The following GSN variants were observed in gnomAD, a reference collection of about 807,000 sequenced individuals.
The protein encoded by GSN is actin-depolymerizing factor.
GSN carries 56 observed loss-of-function variants against 85.7 expected under a neutral mutation model. The ratio of observed to expected loss-of-function variants is 0.65; its 90% CI spans 0.53 to 0.82. The LOEUF (loss-of-function observed/expected upper bound fraction) is 0.82, where lower values mean the gene tolerates loss of function less well. GSN is among the 40% of genes least tolerant of loss of function. The pLI, the probability that GSN is intolerant of heterozygous loss-of-function variation, is 0.00. For synonymous variants in GSN, 373 were observed against 399.1 expected (o/e 0.93, Z 0.78); for missense variants, 857 against 979.8 (o/e 0.87, Z 1.67).
At chr9:121,228,569 G>T (rs1228383121) in intron 4 of GSN, among the ~76,000 whole-genome samples, 41 of 151,034 alleles carry the variant, frequency 2.7e-4, no homozygotes, top group African/African-American at 8.5e-4. Context: ...AGGTAGCTGG[G>T]ACTACAGGTG....
At chr9:121,309,139 G>C (rs1309864635) in intron 4 of GSN, 1 of 152,232 alleles carries the variant, frequency 6.6e-6, no homozygotes. Flanking sequence ...GTGCCCTTGA[G>C]TAAGTCACTT....
chr9:121,227,160 G>A (rs1050197772), intron 4 of GSN, among the ~76,000 whole-genome samples: 10 of 152,192 alleles, frequency 6.6e-5, no homozygotes, highest in South Asian at 2.1e-4. Flanking sequence ...TTGGGAGGCC[G>A]AGGTGGGCGG....
In GSN at chr9:121,332,729, T is replaced by C. The variant is rs886063411; in HGVS notation, c.*126T>C. 73 of 695,110 alleles carry C rather than the reference T, an allele frequency of 1.1e-4. No homozygotes were observed. Among genetic ancestry groups the C allele is most frequent in the Non-Finnish European group, 1.1e-4 (48 of 425,908 alleles). The allele number at this position is 695,110 out of a possible 1,614,324, so 43.1% of individuals were successfully genotyped here. A position where few individuals can be genotyped will look rare whatever the true frequency, so the allele number is the denominator to read the frequency against. On this transcript the variant is annotated 3_prime_UTR_variant, in exon 18 of 18. Transcript: ENST00000432226. The surrounding 1 kb of genome is among the most constrained non-coding windows in gnomAD (Gnocchi z 4.8). ...GTGTGTGTGTGTGTGTTGTTTCTTT[T>C]TTTTTTTTTTACAGTATCCAAAAAT...
chr9:121,292,128 T>G (rs1416513454), intron 2 of GSN, among the ~76,000 whole-genome samples: 2 of 152,026 alleles, frequency 1.3e-5, no homozygotes, highest in Non-Finnish European at 2.9e-5. Context: ...AACTACTGGG[T>G]TTAAGCTATC....
intron 6 of GSN, among the ~76,000 whole-genome samples, chr9:121,255,071 C>T (rs2132256511): frequency 6.6e-6 from 1 of 152,254 alleles, no homozygotes; most frequent in East Asian, 1.9e-4. Context: ...CCCTCAGCCT[C>T]CCGAGTAGCT....
chr9:121,326,843 C>T (rs1038959505), intron 13 of GSN, 161 bp downstream of exon 13: 26 of 791,264 alleles, frequency 3.3e-5, no homozygotes, highest in Non-Finnish European at 5.8e-5. Context: ...GGTTGTCTGT[C>T]TTAGACTCCC....
rs139828725 is a variant in GSN, at chr9:121,217,478, T to C, written c.-528+6611T>C. The stretch of plus-strand genomic sequence containing the variant: ...TGTACAGATTATTTTGTCACCCAGG[T>C]ATTAAGCCTAGTACCCATTAGTTCT... On this transcript the variant is annotated intron_variant, in intron 4 of 24. Coordinates refer to the GSN transcript ENST00000373823. Among the ~76,000 whole-genome samples the C allele has an allele frequency of 4.0e-3, 607 of 152,222 alleles. 2 individuals carry two copies. The highest frequency in any genetic ancestry group is 0.014 in the African/African-American group (580 of 41,528).
intron 5 of GSN, among the ~76,000 whole-genome samples, chr9:121,234,685 A>G (rs2054458220): frequency 6.6e-6 from 1 of 152,178 alleles, no homozygotes; most frequent in Non-Finnish European, 1.5e-5. Flanking sequence ...GCAAATCCAG[A>G]TAAAAAATAA....
At chr9:121,263,863 T>G (rs1410085695), upstream of GSN, among the ~76,000 whole-genome samples, 1 of 125,240 alleles carries the variant, frequency 8.0e-6, no homozygotes, top group Non-Finnish European at 1.6e-5. Context: ...CACTCCAGCC[T>G]AGGAACGAGA....
At chr9:121,325,618 T>G (rs1450623030) in intron 12 of GSN, among the ~76,000 whole-genome samples, 8 of 152,138 alleles carry the variant, frequency 5.3e-5, no homozygotes, top group African/African-American at 1.9e-4. Context: ...TGTGGAAATA[T>G]AGGGGAAGCG....
At chr9:121,302,570 TG>T (rs138385811) in intron 3 of GSN, among the ~76,000 whole-genome samples, 3,105 of 152,226 alleles carry the variant, frequency 0.02, 52 homozygotes, top group Middle Eastern at 0.048. Context: ...CCGGAGTCCC[TG>T]CCACACCTCT....
chr9:121,295,940 G>T (rs2059174506), intron 2 of GSN, among the ~76,000 whole-genome samples: 1 of 152,250 alleles, frequency 6.6e-6, no homozygotes, highest in African/African-American at 2.4e-5. Flanking sequence ...GTGGCTCAGA[G>T]GGCAGGTGCC....
At chr9:121,295,612 C>T (rs556955222) in intron 2 of GSN, among the ~76,000 whole-genome samples, 48 of 152,110 alleles carry the variant, frequency 3.2e-4, no homozygotes, top group Admixed American at 6.5e-4. Context: ...TAGGGGGTCC[C>T]GCAGACATAC....
At chr9:121,269,290 AC>A (rs2055555966) in intron 1 of GSN, among the ~76,000 whole-genome samples, 1 of 152,236 alleles carries the variant, frequency 6.6e-6, no homozygotes, top group Admixed American at 6.5e-5. Flanking sequence ...GTTTACAGCG[AC>A]CATAGCTTGC....
At chr9:121,291,730 T>A (rs2058713684) in intron 2 of GSN, among the ~76,000 whole-genome samples, 1 of 152,060 alleles carries the variant, frequency 6.6e-6, no homozygotes, top group Admixed American at 6.6e-5. Context: ...CCCATTGGAC[T>A]TTTTCTCTAA....
rs151083385 is a variant in GSN, at chr9:121,281,480, T to C, written c.-92T>C. Reference sequence around the variant, plus strand: ...GCCCTTTGTTTACAGGTAGTGCTCATAGCTCTCTTTGTCCAGTGCTTCGGC... The same window carrying C: ...GCCCTTTGTTTACAGGTAGTGCTCACAGCTCTCTTTGTCCAGTGCTTCGGC... On this transcript the variant is annotated 5_prime_UTR_variant, in exon 2 of 18. Transcript: ENST00000432226. The C allele has an allele frequency of 5.9e-4, 226 of 382,990 alleles. 1 individual carries two copies. The highest frequency in any genetic ancestry group is 4.4e-3 in the African/African-American group (208 of 47,180). 23.7% of individuals were successfully genotyped at this position (382,990 alleles called of 1,614,324 possible). A position where few individuals can be genotyped will look rare whatever the true frequency, so the allele number is the denominator to read the frequency against.
intron 4 of GSN, among the ~76,000 whole-genome samples, chr9:121,211,044 C>T (rs1217282997): frequency 6.6e-6 from 1 of 152,112 alleles, no homozygotes; most frequent in African/African-American, 2.4e-5. Flanking sequence ...CAAGGATGAA[C>T]CATTATGCTA....
intron 16 of GSN, among the ~76,000 whole-genome samples, chr9:121,331,082 G>T (rs2063832602): frequency 6.6e-6 from 1 of 152,172 alleles, no homozygotes; most frequent in Non-Finnish European, 1.5e-5. Flanking sequence ...CTCAAGTGAG[G>T]TTTGAAGGCC....
At chr9:121,262,137 G>A (rs1047305110) in intron 6 of GSN, among the ~76,000 whole-genome samples, 2 of 152,120 alleles carry the variant, frequency 1.3e-5, no homozygotes, top group East Asian at 3.8e-4. Flanking sequence ...TACAGAGAGG[G>A]GCCTAACATC....
Sources: allele counts gnomAD v4.1 joint callset (sites outside exome capture counted in the v4.1 genomes callset), GRCh38; gene constraint gnomAD v4.1.1; non-coding constraint Gnocchi (gnomAD v3.1); transcripts MANE v1.5; gene names NCBI Gene and HGNC (gene_info 2026-07-23, HGNC 2026-07-21).